NOL4: variants seen among roughly 807,000 people sequenced by gnomAD.
NOL4 encodes the protein cancer/testis antigen 125.
NOL4 carries 17 observed loss-of-function variants against 75.9 expected under a neutral mutation model. The ratio of observed to expected loss-of-function variants is 0.22; its 90% CI spans 0.15 to 0.34. NOL4 has a LOEUF of 0.34. Among genes scored for constraint, NOL4 ranks in the 10% least tolerant of loss-of-function variants. The probability of loss-of-function intolerance (pLI) is 1.00; values close to 1 mark genes in which losing one functional copy is unlikely to be tolerated. For missense variants in NOL4, 614 were observed against 793.5 expected (o/e 0.77, Z 2.72); for synonymous variants, 292 against 289.9 (o/e 1.01, Z -0.07).
At chr18:34,130,641 A>T (rs2080597106) in intron 1 of NOL4, among the ~76,000 whole-genome samples, 1 of 152,020 alleles carries the variant, frequency 6.6e-6, no homozygotes, top group South Asian at 2.1e-4. Flanking sequence ...ACTTCTCTAA[A>T]TTTCAGTTTT....
At chr18:34,205,608 A>T (rs948421021) in intron 1 of NOL4, among the ~76,000 whole-genome samples, 2 of 152,098 alleles carry the variant, frequency 1.3e-5, no homozygotes, top group African/African-American at 4.8e-5. Context: ...GAAAATATTT[A>T]AGAGGGTCCT....
At chr18:33,987,372 G>A (rs1449271743) in intron 6 of NOL4, among the ~76,000 whole-genome samples, 1 of 152,038 alleles carries the variant, frequency 6.6e-6, no homozygotes. Flanking sequence ...AGAATGACTG[G>A]AAAGCATTCA....
chr18:34,000,108 C>T (rs1457897968), intron 6 of NOL4, among the ~76,000 whole-genome samples: 1 of 152,152 alleles, frequency 6.6e-6, no homozygotes, highest in East Asian at 1.9e-4. Context: ...TGACTGGGAA[C>T]ATATCTCATC....
At chr18:33,976,781 TAATTAATTTCATCACCACC>T (rs2071520801) in intron 6 of NOL4, among the ~76,000 whole-genome samples, 1 of 152,176 alleles carries the variant, frequency 6.6e-6, no homozygotes. Context: ...GAACTCCCAG[TAATTAATTTCATCACCACC>T]AATTCAAATA....
chr18:34,095,375 C>CAT (rs965294033), intron 4 of NOL4, among the ~76,000 whole-genome samples: 19 of 150,880 alleles, frequency 1.3e-4, no homozygotes, highest in South Asian at 4.2e-4. Context: ...CAAATACATA[C>CAT]ATATATATAT....
chr18:34,095,349 T>C (rs1259181198), intron 4 of NOL4, among the ~76,000 whole-genome samples: 1 of 151,954 alleles, frequency 6.6e-6, no homozygotes, highest in Non-Finnish European at 1.5e-5. Flanking sequence ...GACTTGTTAC[T>C]AGTGTTGATC....
chr18:34,030,555 T>C (rs371764323), intron 5 of NOL4, among the ~76,000 whole-genome samples: 3 of 152,308 alleles, frequency 2.0e-5, no homozygotes, highest in African/African-American at 4.8e-5. Flanking sequence ...AATTGGAATA[T>C]TGAAATTGTT....
intron 5 of NOL4, among the ~76,000 whole-genome samples, chr18:34,039,695 A>C (rs1192418769): frequency 6.6e-6 from 1 of 152,034 alleles, no homozygotes; most frequent in Non-Finnish European, 1.5e-5. Context: ...ACATCAGCAA[A>C]ACATTGGCAA....
intron 10 of NOL4, among the ~76,000 whole-genome samples, chr18:33,860,395 C>A (rs1266510383): frequency 2.6e-5 from 4 of 152,144 alleles, no homozygotes; most frequent in Non-Finnish European, 4.4e-5. Flanking sequence ...AAGTCCAAGT[C>A]CTAAGTCTCA....
chr18:34,091,001 T>G (rs1250962467), intron 5 of NOL4, among the ~76,000 whole-genome samples: 1 of 151,992 alleles, frequency 6.6e-6, no homozygotes, highest in African/African-American at 2.4e-5. Flanking sequence ...TTAAGAGGTA[T>G]GGCCTTTAGG....
chr18:33,856,951 T>G (rs1309888742), intron 10 of NOL4, among the ~76,000 whole-genome samples: 3 of 152,070 alleles, frequency 2.0e-5, no homozygotes, highest in Non-Finnish European at 4.4e-5. Context: ...CAAATGTTCA[T>G]CTATTAATGA....
At chr18:33,973,487 G>A (rs1463665950) in intron 6 of NOL4, among the ~76,000 whole-genome samples, 3 of 152,112 alleles carry the variant, frequency 2.0e-5, no homozygotes, top group East Asian at 1.9e-4. Context: ...AACGGTATAT[G>A]GAATACTGTA....
chr18:33,968,354 C>A (rs539729891), intron 6 of NOL4, among the ~76,000 whole-genome samples: 1 of 152,252 alleles, frequency 6.6e-6, no homozygotes, highest in East Asian at 1.9e-4. Context: ...CAGGACCATT[C>A]ACAATAGCAA....
At chr18:34,144,333 A>T (rs1399247517) in intron 1 of NOL4, among the ~76,000 whole-genome samples, 1 of 152,138 alleles carries the variant, frequency 6.6e-6, no homozygotes, top group Non-Finnish European at 1.5e-5. Flanking sequence ...GTCATTCAAG[A>T]TGAGTAAATG....
At chr18:34,076,418 A>T (rs531949081) in intron 5 of NOL4, among the ~76,000 whole-genome samples, 94 of 152,336 alleles carry the variant, frequency 6.2e-4, no homozygotes, top group African/African-American at 2.2e-3. Flanking sequence ...GTCATCCTGA[A>T]TAGTGTAAAT....
At chr18:34,218,831 G>T (rs1396337695) in intron 1 of NOL4, among the ~76,000 whole-genome samples, 1 of 152,198 alleles carries the variant, frequency 6.6e-6, no homozygotes, top group Non-Finnish European at 1.5e-5. Flanking sequence ...AAATAACTGG[G>T]TCTGTAGCAG....
chr18:33,909,838 A>T (rs2066286533), intron 9 of NOL4, among the ~76,000 whole-genome samples: 1 of 152,092 alleles, frequency 6.6e-6, no homozygotes, highest in Non-Finnish European at 1.5e-5. Flanking sequence ...AATATATAAA[A>T]AAAAAAATTA....
At chr18:33,966,749 A>C (rs1239029442) in intron 6 of NOL4, among the ~76,000 whole-genome samples, 2 of 152,140 alleles carry the variant, frequency 1.3e-5, no homozygotes, top group Non-Finnish European at 2.9e-5. Context: ...GCCACACACA[A>C]AAATGAAATA....
chr18:34,045,698 G>A (rs1481859251), intron 5 of NOL4, among the ~76,000 whole-genome samples: 1 of 152,054 alleles, frequency 6.6e-6, no homozygotes, highest in Non-Finnish European at 1.5e-5. Flanking sequence ...AATTTTCATG[G>A]CAGCATAAAT....
Sources: gnomAD v4.1 joint callset for allele counts (sites outside exome capture counted in the v4.1 genomes callset) on GRCh38, gnomAD v4.1.1 for gene constraint, MANE v1.5 for transcripts, NCBI Gene and HGNC (gene_info 2026-07-23, HGNC 2026-07-21) for gene names.